The following ERCC6L2 variants were observed in gnomAD, a reference collection of about 807,000 sequenced individuals.
The protein encoded by ERCC6L2 is ERCC excision repair 6 like 2, also known as DNA excision repair protein ERCC-6-like 2.
ERCC6L2 carries 77 observed loss-of-function variants against 132.0 expected under a neutral mutation model. The observed-to-expected ratio is 0.58, with a 90% CI of 0.49 to 0.71. The LOEUF is 0.71. ERCC6L2 is among the 30% of genes least tolerant of loss of function. The probability of loss-of-function intolerance (pLI) is 0.00; values close to 1 mark genes in which losing one functional copy is unlikely to be tolerated. For missense variants in ERCC6L2, 1,542 were observed against 1,837.6 expected (o/e 0.84, Z 2.94); for synonymous variants, 583 against 632.4 (o/e 0.92, Z 1.17).
At position 95,911,534 on chromosome 9, in the gene ERCC6L2, A is replaced by ATATT. The variant is rs554252405; in HGVS notation, c.789-4123_789-4120dup. ...AGATTAGAGGAATGTTTATGATTTT[A>ATATT]TATTTATTTATTTAGTTGAATTTAT... On this transcript the variant is annotated intron_variant, in intron 4 of 18. Transcript: ENST00000653738. Among the ~76,000 whole-genome samples the ATATT allele has an allele frequency of 2.6e-5, 4 of 152,198 alleles. No homozygotes were observed. In the East Asian group the frequency reaches 7.7e-4, roughly 29 times the overall value.
rs563705103 is a variant in ERCC6L2 at position 96,016,855 on chromosome 9, G to C, written c.*3652G>C. ...CCAGAAGTTTTATTTGACACTTACT[G>C]GTCTATAAAATCCAAAGGAATGGGG... On this transcript the variant is annotated 3_prime_UTR_variant, in exon 19 of 19. Transcript: ENST00000653738. Among the ~76,000 whole-genome samples the C allele has an allele frequency of 6.6e-6, 1 of 152,258 alleles. No homozygotes were observed. Among genetic ancestry groups the C allele is most frequent in the Non-Finnish European group, 1.5e-5 (1 of 68,010 alleles).
At chr9:95,924,284 G>A (rs942622773) in intron 9 of ERCC6L2, among the ~76,000 whole-genome samples, 3 of 151,328 alleles carry the variant, frequency 2.0e-5, no homozygotes, top group Admixed American at 1.3e-4. Flanking sequence ...TAAAATCAAT[G>A]AAATAAAATA....
chr9:95,915,706 G>T lies in ERCC6L2; in HGVS notation c.827G>T (p.Arg276Ile). The T allele has an allele frequency of 6.2e-7, 1 of 1,613,744 alleles. No individual in the cohort carries two copies. The highest frequency in any genetic ancestry group is 2.2e-5 in the East Asian group (1 of 44,838). ...WSAVIVDEAHRIKNPKARVTE... is the reference protein window; with the variant it reads ...WSAVIVDEAHIIKNPKARVTE... The stretch of plus-strand genomic sequence containing the variant: ...GCTGTCATTGTGGATGAAGCTCATA[G>T]AATCAAGAATCCAAAAGCTAGAGTA... The change falls in exon 5 of 19, where the codon AGA becomes ATA. Residue 276 changes from arginine to isoleucine, a missense_variant. Transcript: ENST00000653738.
intron 17 of ERCC6L2, among the ~76,000 whole-genome samples, chr9:96,001,520 T>C (rs1436372729): frequency 1.3e-5 from 2 of 152,200 alleles, no homozygotes; most frequent in African/African-American, 2.4e-5. Flanking sequence ...AACCTTGAGC[T>C]AAACACAGGG....
chr9:95,876,389 G>C (rs1827270942), intron 1 of ERCC6L2: 2 of 350,842 alleles, frequency 5.7e-6, no homozygotes, highest in South Asian at 1.8e-4. Context: ...AAATGACGTG[G>C]GGAATACGCA....
chr9:95,944,085 A>G (rs10988755), intron 12 of ERCC6L2, among the ~76,000 whole-genome samples: 40,814 of 152,184 alleles, frequency 0.27, 5,993 homozygotes, highest in East Asian at 0.4. Flanking sequence ...TGTTCATAGC[A>G]CCTGTATTCA....
At chr9:95,919,706 A>G (rs1449246478) in intron 6 of ERCC6L2, among the ~76,000 whole-genome samples, 2 of 152,238 alleles carry the variant, frequency 1.3e-5, no homozygotes, top group Admixed American at 6.5e-5. Context: ...CATTCCTGGA[A>G]TAGTAAATTC....
At position 96,017,937 on chromosome 9, in the gene ERCC6L2, C is replaced by G. The variant is rs1332899716; in HGVS notation, c.*4734C>G. Among the ~76,000 whole-genome samples, 1 of 152,126 alleles carries G rather than the reference C, an allele frequency of 6.6e-6. No individual in the cohort carries two copies. The highest frequency in any genetic ancestry group is 1.5e-5 in the Non-Finnish European group (1 of 68,036). Reference sequence around the variant, plus strand: ...TGAAAGGAAATTCGGACACGTGCTACAACATAGATGAATCTTGAGGACGGT... The same window carrying G: ...TGAAAGGAAATTCGGACACGTGCTAGAACATAGATGAATCTTGAGGACGGT... On this transcript the variant is annotated 3_prime_UTR_variant, in exon 19 of 19. Transcript: ENST00000653738.
chr9:95,941,810 G>A (rs766417827), intron 12 of ERCC6L2, among the ~76,000 whole-genome samples: 1 of 152,112 alleles, frequency 6.6e-6, no homozygotes, highest in South Asian at 2.1e-4. Flanking sequence ...TAGGAAAATA[G>A]GATAGTTCTG....
chr9:95,907,794 G>C (rs1272771912), intron 4 of ERCC6L2, among the ~76,000 whole-genome samples: 1 of 101,612 alleles, frequency 9.8e-6, no homozygotes, highest in Non-Finnish European at 2.0e-5. Flanking sequence ...TTCAATTATG[G>C]GAGTCTGTTG....
intron 8 of ERCC6L2, 28 bp from the exon 9 acceptor site, chr9:95,923,232 A>G: frequency 6.2e-7 from 1 of 1,608,728 alleles, no homozygotes; most frequent in Middle Eastern, 1.7e-4. Flanking sequence ...AAGTGGAAAT[A>G]TCTTTTCTTC....
chr9:95,878,152 A>G (rs1827388976), intron 1 of ERCC6L2, among the ~76,000 whole-genome samples: 1 of 152,158 alleles, frequency 6.6e-6, no homozygotes, highest in Non-Finnish European at 1.5e-5. Flanking sequence ...GTGGGCTAAA[A>G]CTGGTCTGAC....
chr9:95,981,526 C>T (rs570585631), intron 17 of ERCC6L2, among the ~76,000 whole-genome samples: 1 of 152,024 alleles, frequency 6.6e-6, no homozygotes, highest in African/African-American at 2.4e-5. Context: ...AAAATAAGAA[C>T]ACATTTTGCC....
At chr9:95,885,574 C>T (rs909395647) in intron 2 of ERCC6L2, among the ~76,000 whole-genome samples, 2 of 152,122 alleles carry the variant, frequency 1.3e-5, no homozygotes, top group Non-Finnish European at 2.9e-5. Flanking sequence ...AAATGAATCC[C>T]TTTTGTACAT....
chr9:95,958,833 C>A (rs1831750733), intron 13 of ERCC6L2, among the ~76,000 whole-genome samples: 1 of 152,030 alleles, frequency 6.6e-6, no homozygotes, highest in Admixed American at 6.6e-5. Flanking sequence ...ACGTGAAGGA[C>A]CTCTTCAAGG....
chr9:95,876,926 G>A (rs932879651), intron 1 of ERCC6L2: 2 of 152,172 alleles, frequency 1.3e-5, no homozygotes, highest in Admixed American at 1.3e-4. Context: ...TGAAGCTGCC[G>A]AGTGGATATT....
chr9:95,979,463 G>A (rs766033411), intron 17 of ERCC6L2, among the ~76,000 whole-genome samples: 5 of 152,172 alleles, frequency 3.3e-5, no homozygotes, highest in African/African-American at 7.2e-5. Flanking sequence ...TCTAGGAGAA[G>A]CAAAGCTTTT....
At chr9:95,880,430 A>G (rs948680801) in intron 1 of ERCC6L2, among the ~76,000 whole-genome samples, 1 of 152,188 alleles carries the variant, frequency 6.6e-6, no homozygotes, top group Non-Finnish European at 1.5e-5. Flanking sequence ...ATATATGTAT[A>G]TATATATGTT....
At chr9:95,952,296 A>G (rs74721391) in intron 12 of ERCC6L2, among the ~76,000 whole-genome samples, 14,549 of 152,048 alleles carry the variant, frequency 0.096, 788 homozygotes, top group Admixed American at 0.14. Context: ...CAAAGACTCT[A>G]CAAGAAAGAA....
Sources: allele counts gnomAD v4.1 joint callset (sites outside exome capture counted in the v4.1 genomes callset), GRCh38; gene constraint gnomAD v4.1.1; transcripts MANE v1.5; gene names NCBI Gene and HGNC (gene_info 2026-07-23, HGNC 2026-07-21).